The following AOPEP variants were observed in gnomAD, a reference collection of about 807,000 sequenced individuals.
The protein encoded by AOPEP is aminopeptidase O (putative).
AOPEP carries 77 observed loss-of-function variants against 98.1 expected under a neutral mutation model. The ratio of observed to expected loss-of-function variants is 0.78; its 90% CI spans 0.65 to 0.95. The LOEUF is 0.95. AOPEP is among the 40% of genes least tolerant of loss of function. The pLI is 0.00. For missense variants in AOPEP, 1,024 were observed against 1,024.7 expected (o/e 1.00, Z 0.01); for synonymous variants, 346 against 365.3 (o/e 0.95, Z 0.60).
At chr9:94,984,825 C>T (rs934828669) in intron 11 of AOPEP, among the ~76,000 whole-genome samples, 17 of 152,134 alleles carry the variant, frequency 1.1e-4, no homozygotes, top group African/African-American at 7.2e-5. Context: ...TGAGTGAAAT[C>T]GTCTGTATTT....
At chr9:94,962,430 A>C (rs1016976002) in intron 9 of AOPEP, among the ~76,000 whole-genome samples, 1 of 152,200 alleles carries the variant, frequency 6.6e-6, no homozygotes, top group Non-Finnish European at 1.5e-5. Flanking sequence ...GCTAAGCATG[A>C]GGCTGGGGGT....
In AOPEP at chr9:95,005,566, C is replaced by T. The variant is rs755069577; in HGVS notation, c.2065C>T (p.Arg689Trp). ...GGTCACGAAATGGATTGGAGTGAAC[C>T]GGAGACCCCGAAAACGGAAGCGCAG... ...AEVTKWIGVN[R>W]RPRKRKRREK... The change falls in exon 13 of 17, where the codon CGG becomes TGG. Residue 689 changes from arginine (R) to tryptophan (W), a missense_variant. Arg to Trp is a moderately radical substitution (Grantham distance 101, BLOSUM62 -3). Around this residue, in one of 3 missense-constraint regions of AOPEP, gnomAD observed 566 missense variants for 551.7 expected, o/e 1.03. Coordinates refer to ENST00000375315, the MANE Select transcript of AOPEP (RefSeq NM_001193329.3). The T allele has an allele frequency of 7.4e-6, 12 of 1,613,684 alleles. No individual in the cohort carries two copies. The South Asian group carries it at 7.7e-5, about 10-fold the overall frequency.
At chr9:94,826,261 T>G (rs1166185966) in intron 5 of AOPEP, among the ~76,000 whole-genome samples, 1 of 151,978 alleles carries the variant, frequency 6.6e-6, no homozygotes, top group African/African-American at 2.4e-5. Context: ...GGCCAAGGAG[T>G]GCACAGCAGC....
the AOPEP span, chr9:95,114,842 T>C: frequency 1.3e-6 from 1 of 760,780 alleles, no homozygotes; most frequent in East Asian, 2.6e-5. Flanking sequence ...CCAATACTGT[T>C]CTCATGCTTT....
chr9:94,985,453 G>T (rs1243360009), intron 11 of AOPEP, among the ~76,000 whole-genome samples: 4 of 152,198 alleles, frequency 2.6e-5, no homozygotes, highest in Admixed American at 6.5e-5. Context: ...TTAGCACAGA[G>T]AAATCCAGCT....
chr9:95,120,829 G>T, the AOPEP span, among the ~76,000 whole-genome samples: 1 of 152,130 alleles, frequency 6.6e-6, no homozygotes, highest in East Asian at 1.9e-4. Context: ...GGTAGTTTTG[G>T]GTTTAGGTCT....
chr9:95,125,241 A>G, the AOPEP span: 31 of 1,403,850 alleles, frequency 2.2e-5, no homozygotes, highest in Middle Eastern at 3.5e-4. Context: ...GGCAAACATG[A>G]AAACCTGCAC....
the AOPEP span, among the ~76,000 whole-genome samples, chr9:95,108,197 C>T: frequency 6.6e-6 from 1 of 152,074 alleles, no homozygotes; most frequent in East Asian, 1.9e-4. Context: ...AACTCCAGTA[C>T]ACTGGGTGTG....
chr9:95,138,566 T>G, the AOPEP span, among the ~76,000 whole-genome samples: 2 of 152,220 alleles, frequency 1.3e-5, no homozygotes, highest in Non-Finnish European at 2.9e-5. Flanking sequence ...TTTGACCAGC[T>G]TTCCTCATGC....
chr9:94,910,449 A>C (rs148479742), intron 5 of AOPEP, among the ~76,000 whole-genome samples: 47 of 152,326 alleles, frequency 3.1e-4, no homozygotes, highest in African/African-American at 1.1e-3. Context: ...CACGCAGCAC[A>C]TCAACCGCGG....
chr9:94,767,177 A>G (rs1043672996), intron 2 of AOPEP, among the ~76,000 whole-genome samples: 9 of 152,218 alleles, frequency 5.9e-5, no homozygotes, highest in Non-Finnish European at 1.0e-4. Flanking sequence ...AATTTATGAG[A>G]ACTAAAGTGG....
At chr9:95,083,416 GCA>G (rs1447546090) in intron 16 of AOPEP, among the ~76,000 whole-genome samples, 2 of 145,024 alleles carry the variant, frequency 1.4e-5, no homozygotes, top group Non-Finnish European at 3.0e-5. Flanking sequence ...ACCACGCAGA[GCA>G]CACACGGCAC....
At chr9:95,044,144 G>T (rs1319829250) in intron 13 of AOPEP, among the ~76,000 whole-genome samples, 2 of 152,170 alleles carry the variant, frequency 1.3e-5, no homozygotes, top group Non-Finnish European at 2.9e-5. Context: ...GCTTCCTAGG[G>T]AAAATGTCCC....
At chr9:94,990,172 T>C (rs991281334) in intron 11 of AOPEP, among the ~76,000 whole-genome samples, 9 of 152,128 alleles carry the variant, frequency 5.9e-5, no homozygotes, top group Admixed American at 5.2e-4. Flanking sequence ...CAAATACGCT[T>C]GGAGGGAGGA....
chr9:95,069,959 A>G (rs1467976294), intron 14 of AOPEP, among the ~76,000 whole-genome samples: 1 of 152,244 alleles, frequency 6.6e-6, no homozygotes, highest in Non-Finnish European at 1.5e-5. Flanking sequence ...AGTAACTTTT[A>G]ATTTCCTTTA....
intron 13 of AOPEP, among the ~76,000 whole-genome samples, chr9:95,035,647 T>G (rs942648429): frequency 6.6e-6 from 1 of 150,594 alleles, no homozygotes; most frequent in South Asian, 2.1e-4. Context: ...GCCTCCTGAG[T>G]AGCTGGGATT....
the AOPEP span, chr9:95,107,563 CAG>C: frequency 2.0e-6 from 1 of 509,832 alleles, no homozygotes. Flanking sequence ...AGAATGTAGT[CAG>C]ATTTTTATAT....
intron 13 of AOPEP, among the ~76,000 whole-genome samples, chr9:95,028,075 C>G (rs1327292438): frequency 6.6e-6 from 1 of 152,158 alleles, no homozygotes; most frequent in African/African-American, 2.4e-5. Context: ...GGCATGCAGT[C>G]TGTCAAGAGG....
rs564831468 is a variant in AOPEP at position 94,731,790 on chromosome 9, C to CTTTTTTTTTTT, written c.-136+5052_-136+5062dup. 7.0e-5 allele frequency among the ~76,000 whole-genome samples: 6 copies of CTTTTTTTTTTT among 86,290 alleles called. 1 individual carries two copies. Among genetic ancestry groups the CTTTTTTTTTTT allele is most frequent in the African/African-American group, 1.6e-4 (3 of 19,322 alleles). The allele number at this position is 86,290 out of a possible 152,430, so 56.6% of individuals were successfully genotyped here. On this transcript the variant is annotated intron_variant, in intron 1 of 16. Coordinates refer to ENST00000375315, the MANE Select transcript of AOPEP (RefSeq NM_001193329.3). Reference sequence around the variant, plus strand: ...TTTTCCCTAGTCTGTTCTCTTTTGCCTTTTTTTTTTTTTTTTTTTTTTTGA... The same window carrying CTTTTTTTTTTT: ...TTTTCCCTAGTCTGTTCTCTTTTGCCTTTTTTTTTTTTTTTTTTTTTTTTTTTTTTTTTTGA...
Sources: gnomAD v4.1 joint callset for allele counts (sites outside exome capture counted in the v4.1 genomes callset) on GRCh38, gnomAD v4.1.1 for gene constraint, gnomAD v4.1.1 regional missense constraint, MANE v1.5 for transcripts, NCBI Gene and HGNC (gene_info 2026-07-23, HGNC 2026-07-21) for gene names.